RABGAP1L: variants seen among roughly 807,000 people sequenced by gnomAD.
RABGAP1L encodes the protein rab GTPase-activating protein 1-like.
RABGAP1L carries 63 observed loss-of-function variants against 137.7 expected under a neutral mutation model. The observed-to-expected ratio is 0.46, with a 90% CI of 0.37 to 0.56. The LOEUF is 0.56. RABGAP1L is among the 20% of genes least tolerant of loss of function. The pLI is 0.00. For missense variants in RABGAP1L, 1,095 were observed against 1,244.0 expected (o/e 0.88, Z 1.80); for synonymous variants, 431 against 433.7 (o/e 0.99, Z 0.08).
At chr1:174,926,995 C>T (rs982894257) in intron 19 of RABGAP1L, among the ~76,000 whole-genome samples, 1 of 151,872 alleles carries the variant, frequency 6.6e-6, no homozygotes, top group Non-Finnish European at 1.5e-5. Context: ...ATTGCTTGAA[C>T]CCAGGAGGCA....
intron 18 of RABGAP1L, among the ~76,000 whole-genome samples, chr1:174,795,328 C>T (rs931502934): frequency 6.6e-5 from 10 of 152,126 alleles, no homozygotes; most frequent in African/African-American, 1.4e-4. Context: ...GAAGGTGCCT[C>T]GCCACTCACT....
chr1:174,515,104 C>G (rs998104920), intron 13 of RABGAP1L, among the ~76,000 whole-genome samples: 1 of 151,952 alleles, frequency 6.6e-6, no homozygotes, highest in Non-Finnish European at 1.5e-5. Context: ...ATTCTCTTAG[C>G]AATTTTCAAT....
At chr1:174,495,222 A>G (rs996905816) in intron 13 of RABGAP1L, among the ~76,000 whole-genome samples, 2 of 152,158 alleles carry the variant, frequency 1.3e-5, no homozygotes, top group Non-Finnish European at 2.9e-5. Context: ...TTTCAGTGTA[A>G]CTTCTAGTCT....
At chr1:174,958,642 T>TAGTC (rs1668826194) in intron 20 of RABGAP1L, among the ~76,000 whole-genome samples, 1 of 152,202 alleles carries the variant, frequency 6.6e-6, no homozygotes, top group Non-Finnish European at 1.5e-5. Context: ...ATAGGCAGCA[T>TAGTC]AGTCACACAG....
At chr1:174,388,030 C>T (rs1686944101) in intron 12 of RABGAP1L, among the ~76,000 whole-genome samples, 1 of 152,098 alleles carries the variant, frequency 6.6e-6, no homozygotes, top group Non-Finnish European at 1.5e-5. Context: ...CTTTTTGAAA[C>T]ATTCGATTTA....
intron 13 of RABGAP1L, among the ~76,000 whole-genome samples, chr1:174,517,160 T>G (rs1662943019): frequency 6.6e-6 from 1 of 151,948 alleles, no homozygotes; most frequent in Non-Finnish European, 1.5e-5. Flanking sequence ...AGATATAAGA[T>G]TATTAGCATG....
chr1:174,962,199 C>G (rs865812651), intron 20 of RABGAP1L, among the ~76,000 whole-genome samples: 2 of 123,856 alleles, frequency 1.6e-5, no homozygotes, highest in African/African-American at 3.3e-5. Flanking sequence ...AAAATACACC[C>G]CCCCCCCACA....
intron 12 of RABGAP1L, among the ~76,000 whole-genome samples, chr1:174,371,937 T>C (rs1006598964): frequency 6.6e-6 from 1 of 152,186 alleles, no homozygotes; most frequent in Non-Finnish European, 1.5e-5. Flanking sequence ...TATTTACAGT[T>C]CCAACGGTTG....
chr1:174,962,205 C>CG (rs1553295730), intron 20 of RABGAP1L, among the ~76,000 whole-genome samples: 1 of 136,732 alleles, frequency 7.3e-6, no homozygotes, highest in Admixed American at 7.1e-5. Context: ...CACCCCCCCC[C>CG]CACACACACA....
Position 174,651,932 on chromosome 1 carries a change from G to A in RABGAP1L, c.1824+14444G>A, listed in dbSNP as rs149670144. Among the ~76,000 whole-genome samples the A allele has an allele frequency of 8.0e-4, 122 of 152,210 alleles. 2 individuals carry two copies. The East Asian group carries it at 0.021, about 26-fold the overall frequency. ...GTTGATGCAGTTTTTTCCTAGACTC[G>A]ATGGTCTTTACAATTTGGCATGGTT... On this transcript the variant is annotated intron_variant, in intron 14 of 25. Coordinates refer to ENST00000681986, the MANE Select transcript of RABGAP1L (RefSeq NM_001366446.1).
At chr1:174,285,303 C>T (rs1249404176) in intron 10 of RABGAP1L, among the ~76,000 whole-genome samples, 1 of 152,200 alleles carries the variant, frequency 6.6e-6, no homozygotes, top group Non-Finnish European at 1.5e-5. Context: ...CGGCATGAGC[C>T]ACCATGCCCA....
intron 10 of RABGAP1L, among the ~76,000 whole-genome samples, chr1:174,303,241 C>T (rs16846840): frequency 0.061 from 9,165 of 151,382 alleles, 966 homozygotes; most frequent in African/African-American, 0.21. Flanking sequence ...GGCAATGGTT[C>T]TCAATTCAGC....
intron 1 of RABGAP1L, among the ~76,000 whole-genome samples, chr1:174,204,245 CTGGCCTGTACAT>C (rs1341592531): frequency 2.0e-5 from 3 of 152,168 alleles, no homozygotes; most frequent in Admixed American, 2.0e-4. Flanking sequence ...GCCACTGTGC[CTGGCCTGTACAT>C]TGATTTTGTA....
At chr1:174,443,079 A>G (rs1654336812) in intron 13 of RABGAP1L, among the ~76,000 whole-genome samples, 1 of 152,022 alleles carries the variant, frequency 6.6e-6, no homozygotes, top group African/African-American at 2.4e-5. Context: ...ATAATATTTT[A>G]TTGTATATAC....
At chr1:174,786,853 C>T (rs1005432473) in intron 18 of RABGAP1L, among the ~76,000 whole-genome samples, 2 of 152,088 alleles carry the variant, frequency 1.3e-5, no homozygotes, top group African/African-American at 2.4e-5. Context: ...TTTATTTCTT[C>T]ACGTGAGCAT....
chr1:174,375,931 G>A lies in RABGAP1L; in HGVS notation c.1559+4859G>A, dbSNP rs904303448. Among the ~76,000 whole-genome samples the A allele has an allele frequency of 2.0e-5, 3 of 151,978 alleles. No individual in the cohort carries two copies. The South Asian group carries it at 6.2e-4, about 31-fold the overall frequency. Reference sequence around the variant, plus strand: ...AATATCAAAAAAATTAGCCAGGCATGGTGGTGTGCACCTGTAATCTCAGCT... The same window carrying A: ...AATATCAAAAAAATTAGCCAGGCATAGTGGTGTGCACCTGTAATCTCAGCT... On this transcript the variant is annotated intron_variant, in intron 12 of 25. Coordinates refer to ENST00000681986, the MANE Select transcript of RABGAP1L (RefSeq NM_001366446.1).
chr1:174,762,807 CTTTTTTTTT>C (rs71563260), intron 18 of RABGAP1L, among the ~76,000 whole-genome samples: 1 of 81,810 alleles, frequency 1.2e-5, no homozygotes, highest in Non-Finnish European at 2.3e-5. Flanking sequence ...GTCTCCTTTG[CTTTTTTTTT>C]TTTTTTTTTT....
At chr1:174,695,471 GTC>G (rs1390467466) in intron 15 of RABGAP1L, among the ~76,000 whole-genome samples, 1 of 151,998 alleles carries the variant, frequency 6.6e-6, no homozygotes, top group Admixed American at 6.6e-5. Flanking sequence ...TATTATTTCA[GTC>G]TTTTTGTTAA....
chr1:174,479,008 A>G lies in RABGAP1L; in HGVS notation c.1710+84863A>G, dbSNP rs540951902. The stretch of plus-strand genomic sequence containing the variant: ...TTCACATGTTTGCCACAATATCCTT[A>G]AATATGCTTTGCTGTTTGACCGATG... On this transcript the variant is annotated intron_variant, in intron 13 of 25. Coordinates refer to ENST00000681986, the MANE Select transcript of RABGAP1L (RefSeq NM_001366446.1). Among the ~76,000 whole-genome samples, 4 of 152,364 alleles carry G rather than the reference A, an allele frequency of 2.6e-5. No individual in the cohort carries two copies. In the East Asian group the frequency reaches 7.7e-4, roughly 29 times the overall value.
Sources: allele counts gnomAD v4.1 joint callset (sites outside exome capture counted in the v4.1 genomes callset), GRCh38; gene constraint gnomAD v4.1.1; transcripts MANE v1.5; gene names NCBI Gene and HGNC (gene_info 2026-07-23, HGNC 2026-07-21).